The following CACNA2D1 variants were observed in gnomAD, a reference collection of about 807,000 sequenced individuals.
The protein encoded by CACNA2D1 is calcium voltage-gated channel auxiliary subunit alpha2delta 1, also known as voltage-dependent calcium channel subunit alpha-2/delta-1.
A neutral mutation model predicts 171.5 loss-of-function variants in CACNA2D1; 53 were observed. That is an observed-to-expected ratio of 0.31 (90% CI 0.25 to 0.39). The LOEUF (loss-of-function observed/expected upper bound fraction) is 0.39. Among genes scored for constraint, CACNA2D1 ranks in the 10% least tolerant of loss-of-function variants. The pLI, the probability that CACNA2D1 is intolerant of heterozygous loss-of-function variation, is 1.00. For missense variants in CACNA2D1, 903 were observed against 1,299.8 expected, an observed-to-expected ratio of 0.69 and a Z score of 4.69; for synonymous variants, 442 against 443.1, an observed-to-expected ratio of 1.00 and a Z score of 0.03.
chr7:82,443,498 C>T lies in CACNA2D1; in HGVS notation c.-39G>A, dbSNP rs774857201. ...GATCAATGCCCCCTCCCTGCCCAAG[C>T]GGGGGAAGGAGCGGCGCTGGAAACC... On this transcript the variant is annotated 5_prime_UTR_variant, in exon 1 of 39. Transcript: ENST00000356860. The T allele has an allele frequency of 3.8e-6, 6 of 1,597,384 alleles. No individual in the cohort carries two copies. The African/African-American group carries it at 6.8e-5, about 18-fold the overall frequency.
At chr7:82,015,804 G>C (rs978293956) in intron 12 of CACNA2D1, among the ~76,000 whole-genome samples, 36 of 152,248 alleles carry the variant, frequency 2.4e-4, no homozygotes, top group African/African-American at 8.7e-4. Context: ...TCTCAAAAGA[G>C]ATTTCACATC....
At chr7:82,203,582 G>A (rs1233916289) in intron 3 of CACNA2D1, among the ~76,000 whole-genome samples, 7 of 152,156 alleles carry the variant, frequency 4.6e-5, no homozygotes, top group African/African-American at 1.7e-4. Flanking sequence ...CAGCCAAACG[G>A]GCTATTCAGC....
intron 3 of CACNA2D1, among the ~76,000 whole-genome samples, chr7:82,210,101 C>T (rs1800409345): frequency 6.6e-6 from 1 of 151,834 alleles, no homozygotes; most frequent in South Asian, 2.1e-4. Flanking sequence ...AATTATGGTC[C>T]CCAACATTAG....
chr7:82,093,441 A>C (rs895003916), intron 6 of CACNA2D1, among the ~76,000 whole-genome samples: 21 of 152,110 alleles, frequency 1.4e-4, no homozygotes, highest in Non-Finnish European at 4.4e-5. Flanking sequence ...AGTATGAGTG[A>C]CTAAAACCTA....
chr7:82,005,742 C>G (rs757758790), intron 17 of CACNA2D1, 23 bp downstream of exon 17: 2 of 1,508,232 alleles, frequency 1.3e-6, no homozygotes, highest in South Asian at 2.2e-5. Flanking sequence ...GAAAGGGTAT[C>G]AAAAGAGCAA....
At chr7:82,295,242 A>T (rs1197245823) in intron 3 of CACNA2D1, among the ~76,000 whole-genome samples, 1 of 151,020 alleles carries the variant, frequency 6.6e-6, no homozygotes, top group East Asian at 1.9e-4. Flanking sequence ...AAGGTATAAA[A>T]TTTCAGTTAG....
chr7:82,002,137 C>A (rs936707728), intron 18 of CACNA2D1, among the ~76,000 whole-genome samples: 3 of 151,310 alleles, frequency 2.0e-5, no homozygotes, highest in Non-Finnish European at 4.4e-5. Flanking sequence ...ATGTTGAAAT[C>A]CTCATCTCCA....
intron 3 of CACNA2D1, among the ~76,000 whole-genome samples, chr7:82,246,583 C>A (rs1804949296): frequency 6.6e-6 from 1 of 151,986 alleles, no homozygotes; most frequent in Non-Finnish European, 1.5e-5. Context: ...TGTTTGTTTG[C>A]AGAGTAGGGA....
chr7:82,202,832 C>T (rs375550272), intron 3 of CACNA2D1, among the ~76,000 whole-genome samples: 1,637 of 128,298 alleles, frequency 0.013, 29 homozygotes, highest in African/African-American at 0.059. Context: ...GGGGAAAATG[C>T]GCCACCTCAG....
At chr7:82,145,229 TAA>T (rs1272060359) in intron 4 of CACNA2D1, among the ~76,000 whole-genome samples, 1 of 143,214 alleles carries the variant, frequency 7.0e-6, no homozygotes, top group Non-Finnish European at 1.5e-5. Flanking sequence ...TATATATATA[TAA>T]AATATAAATT....
intron 5 of CACNA2D1, among the ~76,000 whole-genome samples, chr7:82,126,532 T>C (rs974205969): frequency 7.2e-5 from 11 of 152,192 alleles, no homozygotes; most frequent in Admixed American, 7.2e-4. Context: ...TAATACTATA[T>C]GTAGAATAAG....
At chr7:82,331,099 A>G (rs1305960288) in intron 3 of CACNA2D1, among the ~76,000 whole-genome samples, 2 of 152,118 alleles carry the variant, frequency 1.3e-5, no homozygotes, top group East Asian at 1.9e-4. Flanking sequence ...CTTATTAGAT[A>G]TATTTCCTTG....
At chr7:82,043,208 A>G (rs914487643) in intron 10 of CACNA2D1, among the ~76,000 whole-genome samples, 26 of 152,314 alleles carry the variant, frequency 1.7e-4, no homozygotes, top group Middle Eastern at 3.4e-3. Flanking sequence ...TAGCTCTGCA[A>G]TATGTTGTTA....
At chr7:82,184,198 G>A (rs1269656784) in intron 3 of CACNA2D1, among the ~76,000 whole-genome samples, 1 of 136,676 alleles carries the variant, frequency 7.3e-6, no homozygotes, top group African/African-American at 2.7e-5. Context: ...GTTAATACAT[G>A]GAGGGGGATG....
rs148244123 is a variant in CACNA2D1 at position 82,057,744 on chromosome 7, A to G, written c.879+2684T>C. Among the ~76,000 whole-genome samples the G allele has an allele frequency of 4.4e-3, 673 of 152,220 alleles. 7 individuals are homozygous for G. The highest frequency in any genetic ancestry group is 0.016 in the African/African-American group (644 of 41,546). ...CACCATTTGAATGGGCACAGAAACC[A>G]TGGATTCATAGGCCCCAGGAGGAGT... is the stretch of plus-strand genomic sequence containing the variant. On this transcript the variant is annotated intron_variant, in intron 10 of 38. Transcript: ENST00000356860.
chr7:82,305,023 T>C (rs1186228094), intron 3 of CACNA2D1, among the ~76,000 whole-genome samples: 3 of 152,278 alleles, frequency 2.0e-5, no homozygotes, highest in East Asian at 3.9e-4. Flanking sequence ...AAAATGTTAA[T>C]GTTAATTTTT....
At chr7:82,417,234 A>G (rs1828271751) in intron 1 of CACNA2D1, among the ~76,000 whole-genome samples, 1 of 152,212 alleles carries the variant, frequency 6.6e-6, no homozygotes, top group South Asian at 2.1e-4. Context: ...TGACCTGAAC[A>G]GTTTTGAGAG....
intron 25 of CACNA2D1, among the ~76,000 whole-genome samples, chr7:81,972,412 G>C: frequency 6.6e-6 from 1 of 151,632 alleles, no homozygotes; most frequent in Non-Finnish European, 1.5e-5. Context: ...GATAATCTTG[G>C]AGTAAATAAG....
intron 1 of CACNA2D1, among the ~76,000 whole-genome samples, chr7:82,389,685 A>T (rs1824870367): frequency 1.3e-5 from 2 of 151,970 alleles, no homozygotes; most frequent in Non-Finnish European, 2.9e-5. Context: ...TCTATTAGAA[A>T]CCCCCAGTCT....
Sources: gnomAD v4.1 joint callset for allele counts (sites outside exome capture counted in the v4.1 genomes callset) on GRCh38, gnomAD v4.1.1 for gene constraint, MANE v1.5 for transcripts, NCBI Gene and HGNC (gene_info 2026-07-23, HGNC 2026-07-21) for gene names.